Variants in HDAC8 observed in about 807,000 individuals in gnomAD.
The protein encoded by HDAC8 is histone deacetylase 8.
Under a neutral mutation model 32.2 loss-of-function variants are expected in HDAC8, and 1 was observed. The ratio of observed to expected loss-of-function variants is 0.03; its 90% confidence interval spans 0.01 to 0.15. HDAC8 has a LOEUF of 0.15. Ranked by LOEUF, HDAC8 falls within the 10% of genes least tolerant of loss-of-function variation. The probability of loss-of-function intolerance (pLI) is 1.00; values close to 1 mark genes in which losing one functional copy is unlikely to be tolerated. For synonymous variants in HDAC8, 108 were observed against 113.9 expected, an observed-to-expected ratio of 0.95 and a Z score of 0.33; for missense variants, 117 against 300.0, an observed-to-expected ratio of 0.39 and a Z score of 4.51.
At chrX:72,412,504 C>A (rs1258293469) in intron 9 of HDAC8, among the ~76,000 whole-genome samples, 4 of 111,800 alleles carry the variant, frequency 3.6e-5, no homozygotes, top group African/African-American at 1.3e-4. Context: ...AGGTAGCACC[C>A]ACACTTCTGC....
At chrX:72,366,935 G>A (rs2044718709) in intron 9 of HDAC8, among the ~76,000 whole-genome samples, 1 of 111,858 alleles carries the variant, frequency 8.9e-6, no homozygotes, top group South Asian at 3.8e-4. Context: ...CCAAAACCCA[G>A]TCATTGAAAT....
chrX:72,371,841 C>A (rs1425777967), intron 9 of HDAC8, among the ~76,000 whole-genome samples: 3 of 112,020 alleles, frequency 2.7e-5, no homozygotes, highest in Non-Finnish European at 5.6e-5. Flanking sequence ...TAGCAGTGAA[C>A]AAAACAAAGT....
At chrX:72,390,698 T>C (rs1431366963) in intron 9 of HDAC8, among the ~76,000 whole-genome samples, 1 of 111,776 alleles carries the variant, frequency 8.9e-6, no homozygotes, top group Non-Finnish European at 1.9e-5. Flanking sequence ...GATTTGGAAC[T>C]GAAGAAGTAT....
At chrX:72,334,414 A>G (rs1555941745) in intron 10 of HDAC8, among the ~76,000 whole-genome samples, 1 of 112,073 alleles carries the variant, frequency 8.9e-6, no homozygotes, top group Non-Finnish European at 1.9e-5. Flanking sequence ...AAGACAGTGT[A>G]AATGGAAACT....
intron 7 of HDAC8, among the ~76,000 whole-genome samples, chrX:72,479,461 C>T (rs1422019979): frequency 2.7e-5 from 3 of 112,084 alleles, no homozygotes; most frequent in African/African-American, 9.7e-5. Flanking sequence ...GTCTTCCTGT[C>T]TCTGGAGAGC....
At chrX:72,440,973 G>C (rs961655461) in intron 9 of HDAC8, among the ~76,000 whole-genome samples, 10 of 112,917 alleles carry the variant, frequency 8.9e-5, no homozygotes, top group South Asian at 3.7e-4. Flanking sequence ...GCGGCAGCGA[G>C]GCTGAGGGAG....
intron 7 of HDAC8, among the ~76,000 whole-genome samples, chrX:72,487,445 C>G (rs1446006433): frequency 9.0e-6 from 1 of 110,934 alleles, no homozygotes; most frequent in Non-Finnish European, 1.9e-5. Flanking sequence ...CTCAGCTTTC[C>G]CAGGCAGTGA....
chrX:72,440,039 T>A lies in HDAC8; in HGVS notation c.1005+21965A>T, dbSNP rs562909773. Among the ~76,000 whole-genome samples, 13 of 111,993 alleles carry A rather than the reference T, an allele frequency of 1.2e-4. No homozygotes were observed. The South Asian group carries it at 4.9e-3, about 42-fold the overall frequency. ...AATACACATTCTTCTCAGCACCACATTGCACTTATTCCAAAATTGACCACA... is the reference window on the plus strand; with the variant it reads ...AATACACATTCTTCTCAGCACCACAATGCACTTATTCCAAAATTGACCACA... On this transcript the variant is annotated intron_variant, in intron 9 of 10. Transcript: ENST00000373573.
At chrX:72,542,497 C>T (rs1412335991) in intron 4 of HDAC8, among the ~76,000 whole-genome samples, 1 of 112,028 alleles carries the variant, frequency 8.9e-6, no homozygotes, top group Non-Finnish European at 1.9e-5. Flanking sequence ...CACCCAACTA[C>T]GTCTTGGTCA....
At chrX:72,533,581 C>T (rs1006724579) in intron 4 of HDAC8, among the ~76,000 whole-genome samples, 3 of 111,765 alleles carry the variant, frequency 2.7e-5, no homozygotes, top group East Asian at 2.8e-4. Flanking sequence ...TACAGACTAA[C>T]GTCTTTTCCT....
chrX:72,344,314 C>T (rs2043969219), intron 10 of HDAC8, among the ~76,000 whole-genome samples: 1 of 111,809 alleles, frequency 8.9e-6, no homozygotes, highest in Non-Finnish European at 1.9e-5. Flanking sequence ...TAGATAACTA[C>T]TGTTAAGGTA....
At chrX:72,351,026 T>A (rs1275836085) in intron 10 of HDAC8, among the ~76,000 whole-genome samples, 7 of 112,135 alleles carry the variant, frequency 6.2e-5, no homozygotes, top group African/African-American at 2.3e-4. Flanking sequence ...AAGGCTCTAC[T>A]GGATCAAGGA....
chrX:72,525,364 C>T (rs1386932785), intron 4 of HDAC8, among the ~76,000 whole-genome samples: 1 of 110,940 alleles, frequency 9.0e-6, no homozygotes, highest in African/African-American at 3.3e-5. Context: ...CAGCTCACGA[C>T]TCCAGTGCCT....
chrX:72,412,489 C>A (rs1346105601), intron 9 of HDAC8, among the ~76,000 whole-genome samples: 3 of 111,717 alleles, frequency 2.7e-5, no homozygotes, highest in African/African-American at 9.8e-5. Context: ...TTCCTTTCTG[C>A]CTTCAGGTAG....
At chrX:72,514,661 A>G (rs1408680145) in intron 4 of HDAC8, among the ~76,000 whole-genome samples, 1 of 111,622 alleles carries the variant, frequency 9.0e-6, no homozygotes, top group Non-Finnish European at 1.9e-5. Context: ...TTTACTTCCT[A>G]TAGTTACTGT....
intron 10 of HDAC8, among the ~76,000 whole-genome samples, chrX:72,332,142 C>T (rs1050768094): frequency 8.9e-6 from 1 of 112,506 alleles, no homozygotes. Context: ...GAGTAGTACT[C>T]CACAGTATGG....
At chrX:72,437,854 G>T (rs868979189) in intron 9 of HDAC8, among the ~76,000 whole-genome samples, 2 of 112,241 alleles carry the variant, frequency 1.8e-5, no homozygotes, top group African/African-American at 3.2e-5. Flanking sequence ...AGGGGCTTAC[G>T]GAGAAAACTC....
intron 9 of HDAC8, among the ~76,000 whole-genome samples, chrX:72,411,373 C>T (rs782415663): frequency 1.2e-4 from 13 of 112,141 alleles, no homozygotes; most frequent in Admixed American, 2.8e-4. Context: ...GAATGCAGCT[C>T]TTTGTTTGGC....
At chrX:72,512,320 C>T (rs1032361547) in intron 4 of HDAC8, among the ~76,000 whole-genome samples, 12 of 111,964 alleles carry the variant, frequency 1.1e-4, no homozygotes, top group Non-Finnish European at 1.7e-4. Flanking sequence ...GCTGAGGACT[C>T]ATTCAGTGCT....
Sources: gnomAD v4.1 joint callset for allele counts (sites outside exome capture counted in the v4.1 genomes callset) on GRCh38, gnomAD v4.1.1 for gene constraint, MANE v1.5 for transcripts, NCBI Gene and HGNC (gene_info 2026-07-23, HGNC 2026-07-21) for gene names.